TMEM181: variants seen among roughly 807,000 people sequenced by gnomAD.
The protein encoded by TMEM181 is G protein-coupled receptor 178.
TMEM181 carries 39 observed loss-of-function variants against 71.9 expected under a neutral mutation model. The observed-to-expected ratio is 0.54, with a 90% confidence interval of 0.42 to 0.71. The LOEUF (loss-of-function observed/expected upper bound fraction) is 0.71. Among genes scored for constraint, TMEM181 ranks in the 30% least tolerant of loss-of-function variants. The pLI, the probability that TMEM181 is intolerant of heterozygous loss-of-function variation, is 0.00. For synonymous variants in TMEM181, 245 were observed against 228.8 expected, an observed-to-expected ratio of 1.07 and a Z score of -0.64; for missense variants, 595 against 583.0, an observed-to-expected ratio of 1.02 and a Z score of -0.21.
At chr6:158,595,064 G>C (rs1393553230) in intron 6 of TMEM181, among the ~76,000 whole-genome samples, 1 of 152,198 alleles carries the variant, frequency 6.6e-6, no homozygotes, top group Non-Finnish European at 1.5e-5. Flanking sequence ...TTCTTAGAGA[G>C]TGAAAGCCAT....
intron 6 of TMEM181, among the ~76,000 whole-genome samples, chr6:158,590,041 G>A (rs1784017799): frequency 6.6e-6 from 1 of 152,158 alleles, no homozygotes; most frequent in African/African-American, 2.4e-5. Flanking sequence ...CAGCTGCAAG[G>A]CAGTGAAGGG....
At chr6:158,573,392 G>A (rs774307907) in intron 1 of TMEM181, 28 bp from the exon 2 acceptor site, 31 of 1,550,536 alleles carry the variant, frequency 2.0e-5, no homozygotes, top group East Asian at 4.9e-5. Context: ...TCCCCTGACC[G>A]TCCCTCACTG....
chr6:158,608,823 C>A, intron 10 of TMEM181, 73 bp downstream of exon 10: 2 of 1,410,618 alleles, frequency 1.4e-6, no homozygotes, highest in Non-Finnish European at 2.0e-6. Context: ...CCAGGCCAGG[C>A]GTAGTGGCTC....
chr6:158,602,151 A>C (rs1006204587), intron 6 of TMEM181, among the ~76,000 whole-genome samples: 2 of 152,222 alleles, frequency 1.3e-5, no homozygotes, highest in Non-Finnish European at 2.9e-5. Flanking sequence ...AATTTTATGT[A>C]ACTGGAATTA....
intron 1 of TMEM181, among the ~76,000 whole-genome samples, chr6:158,552,436 T>C (rs893515923): frequency 2.0e-5 from 3 of 152,216 alleles, no homozygotes. Context: ...AACTAATACA[T>C]TGAGCGAGGA....
intron 13 of TMEM181, 52 bp downstream of exon 13, chr6:158,625,806 G>A: frequency 6.6e-7 from 1 of 1,504,144 alleles, no homozygotes; most frequent in Non-Finnish European, 9.2e-7. Flanking sequence ...TTCTTTTACT[G>A]TCAGGAATAT....
exon 1 of TMEM181, chr6:158,536,647 C>G (rs1196685643): frequency 2.7e-6 from 4 of 1,473,712 alleles, no homozygotes; most frequent in Non-Finnish European, 2.7e-6. Flanking sequence ...GCCAGCAGCC[C>G]GATCCCCAGT....
At chr6:158,598,199 G>C (rs1391865917) in intron 6 of TMEM181, among the ~76,000 whole-genome samples, 1 of 152,160 alleles carries the variant, frequency 6.6e-6, no homozygotes, top group East Asian at 1.9e-4. Flanking sequence ...TTTCTCCTGA[G>C]ATTTTGCAGG....
chr6:158,592,860 A>G (rs1331214765), intron 6 of TMEM181, among the ~76,000 whole-genome samples: 2 of 152,100 alleles, frequency 1.3e-5, no homozygotes, highest in Non-Finnish European at 2.9e-5. Context: ...TGAGGCTGCA[A>G]TGAGCTGTAA....
At chr6:158,556,181 A>T (rs559356264), upstream of TMEM181, among the ~76,000 whole-genome samples, 20 of 152,236 alleles carry the variant, frequency 1.3e-4, no homozygotes, top group Non-Finnish European at 2.6e-4. Context: ...ACCAAAACGA[A>T]TCCAGAATAA....
intron 11 of TMEM181, 74 bp from the exon 12 acceptor site, chr6:158,625,030 G>C: frequency 8.5e-7 from 1 of 1,177,654 alleles, no homozygotes; most frequent in South Asian, 1.2e-5. Flanking sequence ...TGGCTTTCCT[G>C]CCTGTGGTGG....
intron 1 of TMEM181, among the ~76,000 whole-genome samples, chr6:158,548,793 T>A (rs1178517551): frequency 1.3e-5 from 2 of 152,166 alleles, no homozygotes; most frequent in African/African-American, 4.8e-5. Flanking sequence ...GGTGAAGTCA[T>A]AGGAGACAAT....
At chr6:158,572,611 C>G (rs905409772) in intron 1 of TMEM181, 7 of 382,890 alleles carry the variant, frequency 1.8e-5, no homozygotes, top group Non-Finnish European at 2.6e-5. Context: ...GACCGGTGTT[C>G]CCAAAGCCTC....
intron 5 of TMEM181, among the ~76,000 whole-genome samples, chr6:158,588,411 C>T (rs1041479883): frequency 3.3e-5 from 5 of 152,172 alleles, no homozygotes; most frequent in African/African-American, 7.2e-5. Context: ...ACTCCTTGTC[C>T]GCCTCCCTGA....
intron 4 of TMEM181, among the ~76,000 whole-genome samples, chr6:158,584,879 G>A (rs182035614): frequency 5.9e-5 from 9 of 152,244 alleles, no homozygotes; most frequent in Admixed American, 5.9e-4. Context: ...AGTATTTAAT[G>A]CTATCTTTAT....
chr6:158,541,060 C>G (rs760393518), intron 1 of TMEM181, among the ~76,000 whole-genome samples: 10 of 152,142 alleles, frequency 6.6e-5, no homozygotes, highest in Admixed American at 5.2e-4. Context: ...CTTGAGGATT[C>G]TAATGTAATT....
chr6:158,576,851 A>G (rs1185093172), intron 2 of TMEM181, among the ~76,000 whole-genome samples: 8 of 151,968 alleles, frequency 5.3e-5, no homozygotes, highest in Non-Finnish European at 1.5e-5. Flanking sequence ...TCACGACGTC[A>G]GGAGATCGAG....
chr6:158,571,107 A>AT (rs1052624456), intron 1 of TMEM181, among the ~76,000 whole-genome samples: 8 of 150,748 alleles, frequency 5.3e-5, no homozygotes, highest in African/African-American at 1.5e-4. Flanking sequence ...TAATTAATTA[A>AT]TTTTTTTGAG....
intron 1 of TMEM181, among the ~76,000 whole-genome samples, chr6:158,540,984 G>A (rs192816727): frequency 6.6e-6 from 1 of 152,174 alleles, no homozygotes; most frequent in East Asian, 1.9e-4. Context: ...TGCCCAGGCT[G>A]GTTTTGAACT....
Sources: allele counts gnomAD v4.1 joint callset (sites outside exome capture counted in the v4.1 genomes callset), GRCh38; gene constraint gnomAD v4.1.1; transcripts MANE v1.5; gene names NCBI Gene and HGNC (gene_info 2026-07-23, HGNC 2026-07-21).